Variants in DAB1 observed in about 807,000 individuals in gnomAD.
DAB1 encodes disabled homolog 1.
Under a neutral mutation model 64.6 loss-of-function variants are expected in DAB1, and 15 were observed. The ratio of observed to expected loss-of-function variants is 0.23; its 90% CI spans 0.16 to 0.36. The LOEUF (loss-of-function observed/expected upper bound fraction) is 0.36. Ranked by LOEUF, DAB1 falls within the 10% of genes least tolerant of loss-of-function variation. DAB1 has a pLI of 1.00. For missense variants in DAB1, 596 were observed against 706.7 expected (o/e 0.84, Z 1.78); for synonymous variants, 235 against 251.9 (o/e 0.93, Z 0.64).
At chr1:57,132,199 ACT>A in intron 4 of DAB1, among the ~76,000 whole-genome samples, 1 of 152,186 alleles carries the variant, frequency 6.6e-6, no homozygotes. Flanking sequence ...TCACACAATG[ACT>A]CACACATAGC....
intron 7 of DAB1, among the ~76,000 whole-genome samples, chr1:57,498,394 A>T (rs1429492125): frequency 6.6e-6 from 1 of 152,178 alleles, no homozygotes; most frequent in East Asian, 1.9e-4. Flanking sequence ...TTAATGGCCA[A>T]GTAGAAAAAG....
intron 5 of DAB1, among the ~76,000 whole-genome samples, chr1:57,919,124 G>T (rs1032496616): frequency 6.6e-6 from 1 of 152,164 alleles, no homozygotes; most frequent in Non-Finnish European, 1.5e-5. Flanking sequence ...CCTGGAATAT[G>T]CCCCCTTACT....
chr1:57,755,196 G>A (rs922983529), intron 6 of DAB1, among the ~76,000 whole-genome samples: 2 of 151,904 alleles, frequency 1.3e-5, no homozygotes, highest in Non-Finnish European at 1.5e-5. Context: ...TGAATTTTAG[G>A]CCCAGTTTGT....
chr1:58,045,556 G>A, intron 5 of DAB1, among the ~76,000 whole-genome samples: 1 of 152,162 alleles, frequency 6.6e-6, no homozygotes, highest in Middle Eastern at 3.2e-3. Context: ...TGAGAGCCAA[G>A]CCTTCGACAG....
chr1:58,042,558 C>A (rs1042777597), intron 5 of DAB1, among the ~76,000 whole-genome samples: 1 of 152,110 alleles, frequency 6.6e-6, no homozygotes, highest in East Asian at 1.9e-4. Flanking sequence ...ATATGCATGG[C>A]GCATTGAAAA....
chr1:57,891,127 C>G (rs1242313079), intron 5 of DAB1, among the ~76,000 whole-genome samples: 1 of 152,094 alleles, frequency 6.6e-6, no homozygotes, highest in Non-Finnish European at 1.5e-5. Flanking sequence ...TGACAAAGGG[C>G]TAATATCCAG....
intron 7 of DAB1, among the ~76,000 whole-genome samples, chr1:57,520,805 G>A (rs1022120881): frequency 3.9e-5 from 6 of 151,956 alleles, no homozygotes; most frequent in African/African-American, 1.4e-4. Context: ...CTCAAAAAAG[G>A]ATGTGCAAGC....
At chr1:57,644,721 G>A (rs564767072) in intron 7 of DAB1, among the ~76,000 whole-genome samples, 1 of 151,956 alleles carries the variant, frequency 6.6e-6, no homozygotes, top group Admixed American at 6.6e-5. Flanking sequence ...TTACTAGAGA[G>A]ATTTGGCCTT....
At chr1:58,543,628 A>G (rs1300652071) in intron 1 of DAB1, among the ~76,000 whole-genome samples, 1 of 152,224 alleles carries the variant, frequency 6.6e-6, no homozygotes, top group Non-Finnish European at 1.5e-5. Context: ...TCCTACCCCG[A>G]CAATTAACAT....
At chr1:57,762,578 A>C (rs1649135740) in intron 6 of DAB1, among the ~76,000 whole-genome samples, 1 of 152,226 alleles carries the variant, frequency 6.6e-6, no homozygotes, top group South Asian at 2.1e-4. Flanking sequence ...GACATAAAAA[A>C]AAATTCAGAA....
chr1:58,260,211 C>T (rs756175893), intron 4 of DAB1, among the ~76,000 whole-genome samples: 4 of 152,170 alleles, frequency 2.6e-5, no homozygotes, highest in African/African-American at 9.7e-5. Flanking sequence ...TCGTATGTCC[C>T]CCCACCAGAA....
intron 2 of DAB1, among the ~76,000 whole-genome samples, chr1:57,247,073 GAA>G (rs67941656): frequency 0.59 from 88,674 of 151,366 alleles, 26,130 homozygotes; most frequent in Admixed American, 0.66. Context: ...TTGGAGTTAA[GAA>G]AGTTTGGGAG....
intron 5 of DAB1, among the ~76,000 whole-genome samples, chr1:57,937,888 A>G (rs931325567): frequency 2.0e-5 from 3 of 152,184 alleles, no homozygotes; most frequent in Non-Finnish European, 4.4e-5. Flanking sequence ...GGAGGAGGAC[A>G]CTAGGGCCCT....
chr1:58,485,228 T>TAAAAAAAAAAAAAAAAAA (rs71043289), intron 3 of DAB1, among the ~76,000 whole-genome samples: 7 of 42,056 alleles, frequency 1.7e-4, no homozygotes, highest in Non-Finnish European at 2.9e-4. Flanking sequence ...AGTCTACTAC[T>TAAAAAAAAAAAAAAAAAA]AAAAAAAAAA....
intron 7 of DAB1, among the ~76,000 whole-genome samples, chr1:57,468,008 C>T (rs1003605155): frequency 6.6e-6 from 1 of 152,198 alleles, no homozygotes; most frequent in African/African-American, 2.4e-5. Context: ...TTCCTGAACT[C>T]CTGGGGCTGC....
intron 6 of DAB1, among the ~76,000 whole-genome samples, chr1:57,804,954 G>A (rs2101877170): frequency 6.6e-6 from 1 of 152,316 alleles, no homozygotes; most frequent in South Asian, 2.1e-4. Flanking sequence ...CTCTCGGGTG[G>A]AGGAAGGACA....
At chr1:58,285,183 C>G (rs1407603406) in intron 4 of DAB1, among the ~76,000 whole-genome samples, 1 of 152,152 alleles carries the variant, frequency 6.6e-6, no homozygotes, top group African/African-American at 2.4e-5. Flanking sequence ...TTATGACAAA[C>G]CCACAGCCAA....
At chr1:57,182,853 G>A (rs1663122038) in intron 2 of DAB1, among the ~76,000 whole-genome samples, 1 of 152,120 alleles carries the variant, frequency 6.6e-6, no homozygotes, top group Non-Finnish European at 1.5e-5. Context: ...GTCCAGGGCT[G>A]TGCTGTCTAA....
chr1:57,420,821 C>A (rs1684833928), intron 1 of DAB1, among the ~76,000 whole-genome samples: 1 of 152,190 alleles, frequency 6.6e-6, no homozygotes, highest in African/African-American at 2.4e-5. Flanking sequence ...TTAACTCAAC[C>A]ACGAGTATTC....
Sources: allele counts gnomAD v4.1 joint callset (sites outside exome capture counted in the v4.1 genomes callset), GRCh38; gene constraint gnomAD v4.1.1; transcripts MANE v1.5; gene names NCBI Gene and HGNC (gene_info 2026-07-23, HGNC 2026-07-21).